Variants in KIAA1217 observed in about 807,000 individuals in gnomAD.
The protein encoded by KIAA1217 is sickle tail protein homolog.
In KIAA1217, 88 loss-of-function variants were observed where a neutral mutation model predicts 163.9. The ratio of observed to expected loss-of-function variants is 0.54; its 90% CI spans 0.45 to 0.64. The LOEUF (loss-of-function observed/expected upper bound fraction) is 0.64, where lower values mean the gene tolerates loss of function less well. KIAA1217 is among the 30% of genes least tolerant of loss of function. KIAA1217 has a pLI of 0.00. For missense variants in KIAA1217, 2,372 were observed against 2,475.0 expected, an observed-to-expected ratio of 0.96 and a Z score of 0.88; for synonymous variants, 903 against 923.1, an observed-to-expected ratio of 0.98 and a Z score of 0.39.
At chr10:24,160,353 TG>T (rs1370840829) in intron 2 of KIAA1217, among the ~76,000 whole-genome samples, 2 of 152,208 alleles carry the variant, frequency 1.3e-5, no homozygotes, top group Admixed American at 6.5e-5. Flanking sequence ...AACCTAAGAA[TG>T]TGGCATATAT....
chr10:23,875,953 G>C (rs555244561), intron 1 of KIAA1217, among the ~76,000 whole-genome samples: 1 of 149,238 alleles, frequency 6.7e-6, no homozygotes, highest in Non-Finnish European at 1.5e-5. Flanking sequence ...TTGTCGGGGG[G>C]TGGGGGGCTG....
intron 1 of KIAA1217, among the ~76,000 whole-genome samples, chr10:23,744,503 C>T (rs997182562): frequency 6.6e-6 from 1 of 152,046 alleles, no homozygotes; most frequent in East Asian, 1.9e-4. Flanking sequence ...CACTGTTAAG[C>T]CAGACAGGGT....
At position 23,891,159 on chromosome 10, in the gene KIAA1217, A is replaced by G. The variant is rs979440831; in HGVS notation, c.-320-116066A>G. Among the ~76,000 whole-genome samples, 24 of 152,180 alleles carry G rather than the reference A, an allele frequency of 1.6e-4. No individual in the cohort carries two copies. The South Asian group carries it at 2.9e-3, about 18-fold the overall frequency. On this transcript the variant is annotated intron_variant, in intron 1 of 18. Transcript: ENST00000376462. Reference sequence around the variant, plus strand: ...ATCTTTCTAGTTTATACAGTACATTACATAACTGGATCTTACTTTTAAATG... The same window carrying G: ...ATCTTTCTAGTTTATACAGTACATTGCATAACTGGATCTTACTTTTAAATG...
intron 1 of KIAA1217, among the ~76,000 whole-genome samples, chr10:23,716,610 C>G (rs1837586275): frequency 6.6e-6 from 1 of 152,148 alleles, no homozygotes; most frequent in African/African-American, 2.4e-5. Flanking sequence ...GGCTCCCTCC[C>G]TTCCCCACCT....
intron 1 of KIAA1217, among the ~76,000 whole-genome samples, chr10:23,986,553 A>AT (rs144178588): frequency 0.2 from 31,076 of 152,114 alleles, 3,464 homozygotes; most frequent in Middle Eastern, 0.3. Context: ...TAGTTGTATT[A>AT]TTTTTATGAC....
rs1217554905 is a variant in KIAA1217 at position 24,253,736 on chromosome 10, GA to G, written c.354+33839del. 6.1e-3 allele frequency among the ~76,000 whole-genome samples: 821 copies of G among 133,820 alleles called. 7 individuals are homozygous for G. Among genetic ancestry groups the G allele is most frequent in the African/African-American group, 0.012 (428 of 36,550 alleles). The allele number at this position is 133,820 out of a possible 152,430, so 87.8% of individuals were successfully genotyped here. Reference sequence around the variant, plus strand: ...AACACAGCGGGACTCTGTCTCCAAAGAAAAAAAAAAAAGAAAAGGAAAGAAA... The same window carrying G: ...AACACAGCGGGACTCTGTCTCCAAAGAAAAAAAAAAAGAAAAGGAAAGAAA... On this transcript the variant is annotated intron_variant, in intron 2 of 20. Coordinates refer to ENST00000376454, the MANE Select transcript of KIAA1217 (RefSeq NM_019590.5).
At chr10:24,225,921 T>C (rs2070456311) in intron 2 of KIAA1217, among the ~76,000 whole-genome samples, 3 of 152,184 alleles carry the variant, frequency 2.0e-5, no homozygotes, top group Admixed American at 2.0e-4. Flanking sequence ...GATCCAAAAT[T>C]TCTGTTGCGT....
At chr10:23,738,728 G>C (rs865825443) in intron 1 of KIAA1217, among the ~76,000 whole-genome samples, 1 of 142,192 alleles carries the variant, frequency 7.0e-6, no homozygotes, top group Non-Finnish European at 1.5e-5. Context: ...CAGAATTTAT[G>C]GATAGATATT....
chr10:23,906,121 C>G (rs1463149808), intron 1 of KIAA1217, among the ~76,000 whole-genome samples: 1 of 152,008 alleles, frequency 6.6e-6, no homozygotes, highest in Non-Finnish European at 1.5e-5. Flanking sequence ...TTAATCATAT[C>G]CATGAGGGCA....
chr10:23,989,587 C>A (rs536610456), intron 1 of KIAA1217, among the ~76,000 whole-genome samples: 2 of 152,232 alleles, frequency 1.3e-5, no homozygotes, highest in African/African-American at 4.8e-5. Flanking sequence ...AGACTTTTTG[C>A]TTCTGTGGTT....
chr10:24,037,562 G>A (rs972660091), intron 2 of KIAA1217, among the ~76,000 whole-genome samples: 1 of 152,212 alleles, frequency 6.6e-6, no homozygotes, highest in Non-Finnish European at 1.5e-5. Flanking sequence ...AACCTGATCA[G>A]CTGGTGAATG....
intron 2 of KIAA1217, chr10:24,255,711 C>G (rs369047500): frequency 2.5e-4 from 65 of 259,708 alleles, no homozygotes; most frequent in South Asian, 1.6e-3. Flanking sequence ...TGTTCCCAGT[C>G]GCTTCTTGCT....
At chr10:24,319,987 G>T (rs1194570623) in intron 2 of KIAA1217, among the ~76,000 whole-genome samples, 1 of 152,122 alleles carries the variant, frequency 6.6e-6, no homozygotes, top group Admixed American at 6.5e-5. Flanking sequence ...AAACCCAAAG[G>T]TGGCATAATT....
chr10:24,210,268 T>C (rs1254394376), intron 1 of KIAA1217, among the ~76,000 whole-genome samples: 1 of 152,124 alleles, frequency 6.6e-6, no homozygotes, highest in African/African-American at 2.4e-5. Context: ...TCAGGAGAAC[T>C]TACAATGACA....
intron 1 of KIAA1217, among the ~76,000 whole-genome samples, chr10:23,905,700 G>T (rs1038768365): frequency 6.6e-6 from 1 of 152,098 alleles, no homozygotes; most frequent in Non-Finnish European, 1.5e-5. Context: ...AATGGAAAAA[G>T]AGAGGAGTTG....
chr10:24,206,741 A>G (rs774245278), upstream of KIAA1217, among the ~76,000 whole-genome samples: 9 of 152,242 alleles, frequency 5.9e-5, no homozygotes, highest in African/African-American at 2.2e-4. Flanking sequence ...TCTTCCCCCA[A>G]TGCCTTTTTC....
intron 1 of KIAA1217, among the ~76,000 whole-genome samples, chr10:23,962,032 T>C (rs1269351599): frequency 1.3e-5 from 2 of 152,238 alleles, no homozygotes; most frequent in Non-Finnish European, 2.9e-5. Context: ...AATACAGTCA[T>C]ATTCTGAGAT....
intron 2 of KIAA1217, among the ~76,000 whole-genome samples, chr10:24,094,112 C>T (rs936300273): frequency 2.0e-5 from 3 of 151,958 alleles, no homozygotes; most frequent in African/African-American, 4.8e-5. Flanking sequence ...AATAAACATA[C>T]GTGTGCATGT....
At chr10:24,526,219 G>A (rs902105348) in intron 13 of KIAA1217, among the ~76,000 whole-genome samples, 1 of 151,930 alleles carries the variant, frequency 6.6e-6, no homozygotes, top group Non-Finnish European at 1.5e-5. Flanking sequence ...AGACGACCTG[G>A]CAAAACTGCC....
Sources: allele counts gnomAD v4.1 joint callset (sites outside exome capture counted in the v4.1 genomes callset), GRCh38; gene constraint gnomAD v4.1.1; transcripts MANE v1.5; gene names NCBI Gene and HGNC (gene_info 2026-07-23, HGNC 2026-07-21).